The following MN1 variants were observed in gnomAD, a reference collection of about 807,000 sequenced individuals.
MN1 encodes the protein transcriptional activator MN1.
MN1 carries 19 observed loss-of-function variants against 86.9 expected under a neutral mutation model. The ratio of observed to expected loss-of-function variants is 0.22; its 90% CI spans 0.15 to 0.32. The LOEUF (loss-of-function observed/expected upper bound fraction) is 0.32. Among genes scored for constraint, MN1 ranks in the 10% least tolerant of loss-of-function variants. MN1 has a pLI of 1.00. For synonymous variants in MN1, 928 were observed against 849.6 expected, an observed-to-expected ratio of 1.09 and a Z score of -1.60; for missense variants, 1,841 against 1,862.0, an observed-to-expected ratio of 0.99 and a Z score of 0.21.
Position 27,796,563 on chromosome 22 carries a change from G to T in MN1, c.3781+200C>A, listed in dbSNP as rs539932697. Among the ~76,000 whole-genome samples, 110 of 146,240 alleles carry T rather than the reference G, an allele frequency of 7.5e-4. 3 individuals carry two copies. The South Asian group carries it at 0.024, about 32-fold the overall frequency. On this transcript the variant is annotated intron_variant, in intron 1 of 1. Transcript: ENST00000302326. The stretch of plus-strand genomic sequence containing the variant: ...GAATCTACCTGGTAACATGTGGGGG[G>T]CTTGGGGGCAGTGTGTGTGGGGGGG...
At chr22:27,786,579 C>G (rs976985563) in intron 1 of MN1, among the ~76,000 whole-genome samples, 3 of 152,066 alleles carry the variant, frequency 2.0e-5, no homozygotes, top group Non-Finnish European at 2.9e-5. Context: ...TGCTCAACTC[C>G]CAGTCAATTA....
chr22:27,788,997 A>C (rs1426487300), intron 1 of MN1, among the ~76,000 whole-genome samples: 1 of 152,164 alleles, frequency 6.6e-6, no homozygotes, highest in African/African-American at 2.4e-5. Flanking sequence ...AGAAGAAAAA[A>C]ACTACTTTTA....
At chr22:27,758,360 C>T (rs1267859898) in intron 1 of MN1, among the ~76,000 whole-genome samples, 3 of 152,226 alleles carry the variant, frequency 2.0e-5, no homozygotes, top group Non-Finnish European at 4.4e-5. Flanking sequence ...GGCTGTCAGC[C>T]CCATGGCGAT....
chr22:27,778,488 G>A (rs1001547392), intron 1 of MN1, among the ~76,000 whole-genome samples: 16 of 152,208 alleles, frequency 1.1e-4, no homozygotes, highest in Non-Finnish European at 2.1e-4. Context: ...ACAGGTTCCC[G>A]ATGCTTCCTG....
Position 27,798,128 on chromosome 22 carries a change from A to C in MN1, c.2416T>G (p.Ser806Ala). 1 of 1,606,596 alleles carries C rather than the reference A, an allele frequency of 6.2e-7. No homozygotes were observed. The highest frequency in any genetic ancestry group is 8.5e-7 in the Non-Finnish European group (1 of 1,178,360). Residue 806 changes from serine (S) to alanine (A), a missense_variant, in exon 1 of 2, where the codon TCG becomes GCG. Ser to Ala is a moderately conservative substitution (Grantham distance 99). Coordinates refer to ENST00000302326, the MANE Select transcript of MN1 (RefSeq NM_002430.3). ...RTSASKLGAL[S>A]LGSFNKPSSK... Reference sequence around the variant, plus strand: ...CTGGGCTTGTTGAAGGAGCCCAGCGAGAGCGCGCCCAATTTACTGGCCGAG... The same window carrying C: ...CTGGGCTTGTTGAAGGAGCCCAGCGCGAGCGCGCCCAATTTACTGGCCGAG...
At chr22:27,755,046 C>T (rs991109539) in intron 1 of MN1, among the ~76,000 whole-genome samples, 2 of 152,186 alleles carry the variant, frequency 1.3e-5, no homozygotes, top group South Asian at 2.1e-4. Flanking sequence ...ATTTGACAGA[C>T]GAGAAGACTG....
chr22:27,790,871 G>T (rs1933202317), intron 1 of MN1, among the ~76,000 whole-genome samples: 1 of 152,146 alleles, frequency 6.6e-6, no homozygotes, highest in Admixed American at 6.5e-5. Context: ...AGCCCAGGAG[G>T]CCCGGGAGGC....
At position 27,798,622 on chromosome 22, in the gene MN1, T is replaced by C; in HGVS notation, c.1922A>G (p.Asp641Gly). ...WFSGPHPPPG[D>G]LLPRRMGGSG... ...GCCGCCCATCCTACGGGGCAGCAGG[T>C]CTCCGGGCGGCGGATGCGGACCTGA... The change falls in exon 1 of 2, where the codon GAC becomes GGC. Residue 641 changes from aspartate to glycine, a missense_variant. By Grantham distance (94) the Asp-to-Gly change is moderately conservative. Coordinates refer to ENST00000302326, the MANE Select transcript of MN1 (RefSeq NM_002430.3). 1 of 1,562,122 alleles carries C rather than the reference T, an allele frequency of 6.4e-7. No individual in the cohort carries two copies. Among genetic ancestry groups the C allele is most frequent in the South Asian group, 1.2e-5 (1 of 85,828 alleles).
In MN1 at chr22:27,749,937, C is replaced by T. The variant is rs6519725; in HGVS notation, c.*978G>A. The T allele has an allele frequency of 0.022, 5,073 of 231,646 alleles. 254 individuals carry two copies. The highest frequency in any genetic ancestry group is 0.11 in the African/African-American group (4,766 of 45,334). 14.3% of individuals were successfully genotyped at this position (231,646 alleles called of 1,614,324 possible). ...TTCAGAAAAGGGAAAGGGCTGAGAA[C>T]AGCCTCCTCCAACTCCAGCACCCAA... is the stretch of plus-strand genomic sequence containing the variant. On this transcript the variant is annotated 3_prime_UTR_variant, in exon 2 of 2. Coordinates refer to ENST00000302326, the MANE Select transcript of MN1 (RefSeq NM_002430.3).
At position 27,773,653 on chromosome 22, in the gene MN1, C is replaced by T. The variant is rs1359352548; in HGVS notation, c.3782-22557G>A. ...CCTAGGCCCCAAACATCATCTTGGT[C>T]CATTTATTTATTTATTCATGAATGA... On this transcript the variant is annotated intron_variant, in intron 1 of 1. Coordinates refer to ENST00000302326, the MANE Select transcript of MN1 (RefSeq NM_002430.3). 2.6e-5 allele frequency among the ~76,000 whole-genome samples: 4 copies of T among 152,176 alleles called. No homozygotes were observed. In the East Asian group the frequency reaches 7.7e-4, roughly 29 times the overall value.
chr22:27,785,056 C>CCACACACACA (rs57257445), intron 1 of MN1, among the ~76,000 whole-genome samples: 2,918 of 144,862 alleles, frequency 0.02, 79 homozygotes, highest in East Asian at 0.092. Context: ...CTGGCATCCG[C>CCACACACACA]CACACACACA....
At chr22:27,794,592 T>C (rs1189838102) in intron 1 of MN1, among the ~76,000 whole-genome samples, 2 of 152,164 alleles carry the variant, frequency 1.3e-5, no homozygotes, top group African/African-American at 2.4e-5. Context: ...CATCTGACTG[T>C]GATGATGACA....
intron 1 of MN1, among the ~76,000 whole-genome samples, chr22:27,765,820 G>A (rs1932865573): frequency 6.6e-6 from 1 of 152,218 alleles, no homozygotes; most frequent in African/African-American, 2.4e-5. Context: ...GCTCCCTGGT[G>A]TGTGCCTGGT....
At chr22:27,761,134 C>T (rs547794474) in intron 1 of MN1, among the ~76,000 whole-genome samples, 33 of 152,228 alleles carry the variant, frequency 2.2e-4, no homozygotes, top group Admixed American at 2.0e-3. Context: ...GTGACTGGCA[C>T]GACCTCTCCC....
chr22:27,800,767 T>C lies in MN1; in HGVS notation c.-224A>G. 5.0e-6 allele frequency: 3 copies of C among 603,506 alleles called. No homozygotes were observed. The South Asian group carries it at 6.0e-5, about 12-fold the overall frequency. 37.4% of individuals were successfully genotyped at this position (603,506 alleles called of 1,614,324 possible). A position where few individuals can be genotyped will look rare whatever the true frequency, so the allele number is the denominator to read the frequency against. On this transcript the variant is annotated 5_prime_UTR_variant, in exon 1 of 2. Transcript: ENST00000302326. ...CTGCCCGGGGAGGGCCTCTCACATC[T>C]TGCGAGGCCGCGGGGCCTCTAGGAG...
chr22:27,757,300 G>T (rs781678775), intron 1 of MN1, among the ~76,000 whole-genome samples: 1 of 152,246 alleles, frequency 6.6e-6, no homozygotes, highest in Non-Finnish European at 1.5e-5. Context: ...CTCCCAAAGT[G>T]CTGGGATTAC....
At position 27,796,813 on chromosome 22, in the gene MN1, G is replaced by T. The variant is rs1160944052; in HGVS notation, c.3731C>A (p.Thr1244Lys). ...ALVDSADDDK[T>K]LAPWEKAKPQ... ...TTTGGCCTTCTCCCAGGGCGCCAAC[G>T]TCTTGTCGTCGTCCGCGCTGTCCAC... Residue 1244 changes from threonine to lysine, a missense_variant, in exon 1 of 2, where the codon ACG (threonine) becomes AAG (lysine). Coordinates refer to ENST00000302326, the MANE Select transcript of MN1 (RefSeq NM_002430.3). 1.2e-6 allele frequency: 2 copies of T among 1,610,178 alleles called. No individual in the cohort carries two copies. The highest frequency in any genetic ancestry group is 2.2e-5 in the South Asian group (2 of 91,032).
intron 1 of MN1, among the ~76,000 whole-genome samples, chr22:27,753,386 T>C (rs1932781823): frequency 6.6e-6 from 1 of 152,124 alleles, no homozygotes; most frequent in Admixed American, 6.5e-5. Context: ...GGACCTCAGT[T>C]TCCCCATGGG....
In MN1 at chr22:27,801,536, G is replaced by C. The variant is rs947103283; in HGVS notation, c.-993C>G. 2.2e-5 allele frequency: 4 copies of C among 182,948 alleles called. No homozygotes were observed. The highest frequency in any genetic ancestry group is 7.1e-5 in the African/African-American group (3 of 42,390). The allele number at this position is 182,948 out of a possible 1,614,324, so 11.3% of individuals were successfully genotyped here. On this transcript the variant is annotated 5_prime_UTR_variant, in exon 1 of 2. Coordinates refer to ENST00000302326, the MANE Select transcript of MN1 (RefSeq NM_002430.3). ...CGAGTCCCTCTCGGACCTGAGGGAG[G>C]GGGGCGTACGCGGGTCGGGGGGCCA... is the stretch of plus-strand genomic sequence containing the variant.
Sources: gnomAD v4.1 joint callset for allele counts (sites outside exome capture counted in the v4.1 genomes callset) on GRCh38, gnomAD v4.1.1 for gene constraint, MANE v1.5 for transcripts, NCBI Gene and HGNC (gene_info 2026-07-23, HGNC 2026-07-21) for gene names.